Variants in SGSM1 observed in about 807,000 individuals in gnomAD.
SGSM1 encodes the protein small G protein signaling modulator 1.
In SGSM1, 73 loss-of-function variants were observed where a neutral mutation model predicts 133.8. That is an observed-to-expected ratio of 0.55 (90% CI 0.45 to 0.66). The LOEUF (loss-of-function observed/expected upper bound fraction) is 0.66. Ranked by LOEUF, SGSM1 falls within the 30% of genes least tolerant of loss-of-function variation. The pLI is 0.00. For synonymous variants in SGSM1, 563 were observed against 573.0 expected, an observed-to-expected ratio of 0.98 and a Z score of 0.25; for missense variants, 1,213 against 1,448.1, an observed-to-expected ratio of 0.84 and a Z score of 2.64.
At chr22:24,921,599 C>T (rs895073471) in intron 24 of SGSM1, among the ~76,000 whole-genome samples, 19 of 152,218 alleles carry the variant, frequency 1.2e-4, no homozygotes, top group Non-Finnish European at 2.1e-4. Context: ...ATAACAGCAC[C>T]CCAGGCCAAA....
intron 22 of SGSM1, among the ~76,000 whole-genome samples, chr22:24,914,652 TA>T (rs1423303042): frequency 2.6e-5 from 4 of 152,212 alleles, no homozygotes; most frequent in Non-Finnish European, 4.4e-5. Flanking sequence ...CTAAACAGCA[TA>T]CAACTCTGTT....
rs369250516 is a variant in SGSM1, at chr22:24,873,088, A to G, written c.1292-3489A>G. Among the ~76,000 whole-genome samples the G allele has an allele frequency of 3.2e-4, 48 of 151,790 alleles. 1 individual carries two copies. The highest frequency in any genetic ancestry group is 1.1e-3 in the African/African-American group (45 of 41,434). ...ATCCTTCCACCTCAGCCTCCTGGGT[A>G]GCTGGAATCACAGGCACAAGCCACC... is the stretch of plus-strand genomic sequence containing the variant. On this transcript the variant is annotated intron_variant, in intron 12 of 24. Transcript: ENST00000400358.
At chr22:24,839,922 A>G (rs1929687159) in intron 2 of SGSM1, among the ~76,000 whole-genome samples, 2 of 141,566 alleles carry the variant, frequency 1.4e-5, no homozygotes, top group Admixed American at 7.7e-5. Flanking sequence ...CTTTTGGACA[A>G]ACCATCTCTC....
At chr22:24,864,068 C>A (rs1019027871) in intron 9 of SGSM1, among the ~76,000 whole-genome samples, 1 of 152,058 alleles carries the variant, frequency 6.6e-6, no homozygotes, top group Admixed American at 6.6e-5. Context: ...TCACAGCCAG[C>A]CTCACTCTTG....
chr22:24,885,342 T>A (rs1932538503), intron 15 of SGSM1, among the ~76,000 whole-genome samples: 1 of 151,968 alleles, frequency 6.6e-6, no homozygotes, highest in Admixed American at 6.6e-5. Context: ...TAATTCATTA[T>A]AGCCTCCCCT....
chr22:24,847,530 G>T, intron 3 of SGSM1, 104 bp from the exon 4 acceptor site: 1 of 1,397,482 alleles, frequency 7.2e-7, no homozygotes, highest in Non-Finnish European at 9.6e-7. Context: ...TAAGAAGATT[G>T]AGAGGGCTCT....
intron 16 of SGSM1, among the ~76,000 whole-genome samples, chr22:24,891,717 G>A (rs895897645): frequency 6.6e-6 from 1 of 152,148 alleles, no homozygotes; most frequent in African/African-American, 2.4e-5. Flanking sequence ...TGGGATTGAG[G>A]CAACCCCGAG....
At chr22:24,895,410 A>G (rs1932892448) in intron 18 of SGSM1, 119 bp downstream of exon 18, 1 of 1,003,846 alleles carries the variant, frequency 1.0e-6, no homozygotes, top group African/African-American at 1.6e-5. Context: ...TTAGCTTTTT[A>G]TATTAGCATT....
rs189786945 is a variant in SGSM1 at position 24,895,243 on chromosome 22, G to A, written c.1974G>A (p.Ser658=). 2,682 of 1,611,456 alleles carry A rather than the reference G, an allele frequency of 1.7e-3. 7 individuals carry two copies. Among genetic ancestry groups the A allele is most frequent in the Middle Eastern group, 2.8e-3 (17 of 6,052 alleles). Reference sequence around the variant, plus strand: ...CTCAGTCCTCCCAGAGCTGCAGTTCGGGCCGCCAGAACATCCGCCTGCACA... The same window carrying A: ...CTCAGTCCTCCCAGAGCTGCAGTTCAGGCCGCCAGAACATCCGCCTGCACA... The part of the protein sequence containing the change: ...ISNESSQSCS[S]GRQNIRLHSD... The change falls in exon 18 of 25, where the codon TCG becomes TCA. Residue 658 remains serine, a synonymous_variant. Transcript: ENST00000400358.
chr22:24,835,441 G>T (rs6004307), intron 2 of SGSM1, among the ~76,000 whole-genome samples: 2 of 151,984 alleles, frequency 1.3e-5, no homozygotes, highest in African/African-American at 4.8e-5. Context: ...CTCATAGAGC[G>T]TAGAGGCCAT....
At chr22:24,813,829 A>C (rs567031645) in intron 2 of SGSM1, 1 of 152,186 alleles carries the variant, frequency 6.6e-6, no homozygotes, top group Non-Finnish European at 1.5e-5. Flanking sequence ...TCCCCCAGCC[A>C]CCTCATGAGG....
intron 3 of SGSM1, among the ~76,000 whole-genome samples, chr22:24,846,031 CTCTT>C (rs1194689489): frequency 1.6e-3 from 170 of 106,740 alleles, no homozygotes; most frequent in African/African-American, 6.3e-3. Context: ...CTCTCTTTCT[CTCTT>C]TCTTTCTTTT....
At chr22:24,855,892 T>C in intron 8 of SGSM1, 1 of 742,486 alleles carries the variant, frequency 1.3e-6, no homozygotes, top group South Asian at 1.5e-5. Flanking sequence ...GTTATATCCA[T>C]CCATCCACCC....
intron 19 of SGSM1, among the ~76,000 whole-genome samples, chr22:24,899,004 A>G (rs1422941798): frequency 2.3e-5 from 3 of 127,964 alleles, no homozygotes; most frequent in East Asian, 2.7e-4. Flanking sequence ...TCCAGCCTGG[A>G]CAACAGAGCA....
In SGSM1 at chr22:24,924,244, C is replaced by T; in HGVS notation, c.3252C>T (p.Tyr1084=). ...QVLKLARDLV[Y]KVQTLIENK is the part of the protein sequence containing the mutation. ...TGAAGCTGGCGCGGGACCTCGTGTA[C>T]AAGGTGCAGACTCTGATTGAGAACA... The change falls in exon 25 of 25, where the codon TAC becomes TAT. Residue 1084 remains tyrosine, a synonymous_variant. Coordinates refer to ENST00000400358, the MANE Select transcript of SGSM1 (RefSeq NM_001098497.3). 6.2e-7 allele frequency: 1 copy of T among 1,613,964 alleles called. No homozygotes were observed.
chr22:24,901,692 C>G, intron 19 of SGSM1, 141 bp from the exon 20 acceptor site: 1 of 886,300 alleles, frequency 1.1e-6, no homozygotes, highest in Non-Finnish European at 1.6e-6. Context: ...AATCAAACAC[C>G]TGGCTGGTCC....
chr22:24,890,594 G>C (rs1369079649), intron 16 of SGSM1, among the ~76,000 whole-genome samples: 2 of 152,076 alleles, frequency 1.3e-5, no homozygotes, highest in Non-Finnish European at 2.9e-5. Context: ...AGGCTGGAGT[G>C]CAGTGGTGCG....
rs1308624194 is a variant in SGSM1 at position 24,850,333 on chromosome 22, C to G, written c.356C>G (p.Pro119Arg). Residue 119 changes from proline (P) to arginine (R), a missense_variant, in exon 5 of 25, where the codon CCC (proline) becomes CGC (arginine). Pro to Arg is a moderately radical substitution (Grantham distance 103). Transcript: ENST00000400358. ...AATGTGCGGAAGCTGCCGAAGCTGC[C>G]CAACTTGTCCCCACTTGCCATCAAG... is the stretch of plus-strand genomic sequence containing the variant. ...QENVRKLPKLPNLSPLAIKHL... is the reference protein window; with the variant it reads ...QENVRKLPKLRNLSPLAIKHL... 1.2e-6 allele frequency: 2 copies of G among 1,613,654 alleles called. No homozygotes were observed. The highest frequency in any genetic ancestry group is 2.2e-5 in the South Asian group (2 of 90,962).
chr22:24,810,799 G>T (rs1378078497), intron 2 of SGSM1, among the ~76,000 whole-genome samples: 1 of 152,152 alleles, frequency 6.6e-6, no homozygotes, highest in Non-Finnish European at 1.5e-5. Flanking sequence ...CTGCTGAACA[G>T]AGCCTGTTTG....
Sources: gnomAD v4.1 joint callset for allele counts (sites outside exome capture counted in the v4.1 genomes callset) on GRCh38, gnomAD v4.1.1 for gene constraint, MANE v1.5 for transcripts, NCBI Gene and HGNC (gene_info 2026-07-23, HGNC 2026-07-21) for gene names.